Variants in SLC24A3 observed in about 807,000 individuals in gnomAD.
SLC24A3 encodes the protein sodium/potassium/calcium exchanger 3.
In SLC24A3, 28 loss-of-function variants were observed where a neutral mutation model predicts 75.8. The observed-to-expected ratio is 0.37, with a 90% CI of 0.27 to 0.51. The LOEUF (loss-of-function observed/expected upper bound fraction) is 0.51, where lower values mean the gene tolerates loss of function less well. Ranked by LOEUF, SLC24A3 falls within the 20% of genes least tolerant of loss-of-function variation. The pLI is 0.94. For synonymous variants in SLC24A3, 372 were observed against 334.1 expected (o/e 1.11, Z -1.24); for missense variants, 663 against 847.8 (o/e 0.78, Z 2.71).
At chr20:19,221,386 A>T (rs1981706938) in intron 1 of SLC24A3, among the ~76,000 whole-genome samples, 1 of 152,230 alleles carries the variant, frequency 6.6e-6, no homozygotes, top group East Asian at 1.9e-4. Context: ...TTCATCCTGC[A>T]TATTTCTTTT....
chr20:19,235,415 T>A (rs1982136649), intron 1 of SLC24A3, among the ~76,000 whole-genome samples: 1 of 152,204 alleles, frequency 6.6e-6, no homozygotes, highest in Non-Finnish European at 1.5e-5. Context: ...TCTGCCTTAA[T>A]CTAAAGCAAA....
chr20:19,553,084 TC>T (rs2030725513), intron 3 of SLC24A3, among the ~76,000 whole-genome samples: 2 of 45,342 alleles, frequency 4.4e-5, no homozygotes, highest in African/African-American at 1.6e-4. Context: ...CCTCCCTCCC[TC>T]CCTCCCTCCT....
At chr20:19,342,781 G>A (rs1401158953) in intron 2 of SLC24A3, among the ~76,000 whole-genome samples, 2 of 152,160 alleles carry the variant, frequency 1.3e-5, no homozygotes, top group Non-Finnish European at 2.9e-5. Flanking sequence ...AGTTTGAAAA[G>A]GCAGAAGCGC....
intron 1 of SLC24A3, among the ~76,000 whole-genome samples, chr20:19,278,725 G>C (rs1983563642): frequency 6.6e-6 from 1 of 152,150 alleles, no homozygotes; most frequent in East Asian, 1.9e-4. Context: ...TCAAGAGTCT[G>C]AAATTATTGT....
rs1484199646 is a variant in SLC24A3 at position 19,628,345 on chromosome 20, TC to T, written c.613-25712del. Among the ~76,000 whole-genome samples, 4 of 151,970 alleles carry T rather than the reference TC, an allele frequency of 2.6e-5. No homozygotes were observed. In the South Asian group the frequency reaches 6.2e-4, roughly 24 times the overall value. On this transcript the variant is annotated intron_variant, in intron 6 of 16. Coordinates refer to ENST00000328041, the MANE Select transcript of SLC24A3 (RefSeq NM_020689.4). ...GGTGGAACAGGAAGCCCCAGGTCCT[TC>T]CCCCATGGAGACATTAACTTAACAA...
At chr20:19,602,719 T>A (rs562813616) in intron 6 of SLC24A3, among the ~76,000 whole-genome samples, 38 of 151,782 alleles carry the variant, frequency 2.5e-4, no homozygotes, top group Non-Finnish European at 4.7e-4. Flanking sequence ...TCTAAAGGAG[T>A]CTCTCATCAC....
intron 2 of SLC24A3, among the ~76,000 whole-genome samples, chr20:19,426,713 T>A (rs533915399): frequency 4.6e-5 from 7 of 152,224 alleles, no homozygotes; most frequent in Non-Finnish European, 1.0e-4. Flanking sequence ...CACTACCGGC[T>A]GTACCATTTG....
chr20:19,522,614 AGCTGT>A (rs776120481), intron 3 of SLC24A3, among the ~76,000 whole-genome samples: 6 of 152,206 alleles, frequency 3.9e-5, no homozygotes, highest in African/African-American at 7.2e-5. Context: ...AAGGCAGCTC[AGCTGT>A]GCTTGCCAAC....
intron 6 of SLC24A3, among the ~76,000 whole-genome samples, chr20:19,618,483 C>T (rs554908456): frequency 1.3e-5 from 2 of 152,264 alleles, no homozygotes; most frequent in South Asian, 4.1e-4. Context: ...TTAGGACCCA[C>T]CCCTATGACC....
At chr20:19,650,712 T>C (rs776734066) in intron 6 of SLC24A3, among the ~76,000 whole-genome samples, 8 of 152,196 alleles carry the variant, frequency 5.3e-5, no homozygotes, top group Non-Finnish European at 1.0e-4. Flanking sequence ...TTCTGCTTAG[T>C]TTATTATTAC....
At chr20:19,434,421 CA>C (rs1987159270) in intron 2 of SLC24A3, among the ~76,000 whole-genome samples, 1 of 152,232 alleles carries the variant, frequency 6.6e-6, no homozygotes, top group Non-Finnish European at 1.5e-5. Context: ...AAACGTTCTT[CA>C]GGTGACCTCA....
intron 15 of SLC24A3, among the ~76,000 whole-genome samples, chr20:19,704,250 G>T (rs1236039384): frequency 6.6e-6 from 1 of 152,086 alleles, no homozygotes; most frequent in Non-Finnish European, 1.5e-5. Flanking sequence ...CAGAGCAGTA[G>T]GGTGACTTGA....
At chr20:19,411,115 C>A (rs1986737298) in intron 2 of SLC24A3, among the ~76,000 whole-genome samples, 1 of 152,174 alleles carries the variant, frequency 6.6e-6, no homozygotes, top group Admixed American at 6.5e-5. Flanking sequence ...CATGGGCTGG[C>A]TGCTGTGGAG....
At chr20:19,298,499 A>T (rs1301635920) in intron 2 of SLC24A3, among the ~76,000 whole-genome samples, 1 of 152,190 alleles carries the variant, frequency 6.6e-6, no homozygotes, top group Non-Finnish European at 1.5e-5. Flanking sequence ...CCAGAAGCAG[A>T]TTCTAAGACA....
At chr20:19,540,471 C>G (rs2030476035) in intron 3 of SLC24A3, among the ~76,000 whole-genome samples, 1 of 152,212 alleles carries the variant, frequency 6.6e-6, no homozygotes, top group Non-Finnish European at 1.5e-5. Context: ...ATTCTTCAGT[C>G]TGCCTTGGAA....
chr20:19,212,958 C>T lies in SLC24A3; in HGVS notation c.116C>T (p.Ser39Leu). ...FLASVALLLW[S>L]LSSLREQKEL... ...GCCTCGGTGGCGCTGCTGCTCTGGT[C>T]GCTGTCGAGCCTGCGAGAGCAGAAG... The change falls in exon 1 of 17, where the codon TCG (serine) becomes TTG (leucine). Residue 39 changes from serine (S) to leucine (L), a missense_variant. This residue lies in a region of SLC24A3 where 153 missense variants were observed against 144.2 expected (regional missense o/e 1.06). Transcript: ENST00000328041. 1.5e-6 allele frequency: 2 copies of T among 1,317,744 alleles called. No homozygotes were observed. Among genetic ancestry groups the T allele is most frequent in the Non-Finnish European group, 1.9e-6 (2 of 1,031,280 alleles). The allele number at this position is 1,317,744 out of a possible 1,614,324, so 81.6% of individuals were successfully genotyped here.
intron 6 of SLC24A3, among the ~76,000 whole-genome samples, chr20:19,629,833 T>C (rs1338227951): frequency 6.6e-6 from 1 of 152,164 alleles, no homozygotes; most frequent in Admixed American, 6.5e-5. Context: ...GAAATTAAGA[T>C]TTTCTCAGAT....
At chr20:19,263,895 G>T (rs1326256555) in intron 1 of SLC24A3, among the ~76,000 whole-genome samples, 3 of 152,118 alleles carry the variant, frequency 2.0e-5, no homozygotes, top group Non-Finnish European at 4.4e-5. Context: ...GGATATTTTA[G>T]TTCTGGTGTC....
chr20:19,492,430 C>T (rs1988222405), intron 2 of SLC24A3, among the ~76,000 whole-genome samples: 3 of 152,216 alleles, frequency 2.0e-5, no homozygotes, highest in Non-Finnish European at 2.9e-5. Context: ...TTTGAGACAA[C>T]GCATCTGTAG....
Sources: gnomAD v4.1 joint callset for allele counts (sites outside exome capture counted in the v4.1 genomes callset) on GRCh38, gnomAD v4.1.1 for gene constraint, gnomAD v4.1.1 regional missense constraint, MANE v1.5 for transcripts, NCBI Gene and HGNC (gene_info 2026-07-23, HGNC 2026-07-21) for gene names.